Variants in ABCC3 observed in about 807,000 individuals in gnomAD.
ABCC3 encodes ATP-binding cassette sub-family C member 3.
In ABCC3, 121 loss-of-function variants were observed where a neutral mutation model predicts 165.3. The ratio of observed to expected loss-of-function variants is 0.73; its 90% confidence interval spans 0.63 to 0.85. The LOEUF is 0.85. Ranked by LOEUF, ABCC3 falls within the 40% of genes least tolerant of loss-of-function variation. The pLI is 0.00. For synonymous variants in ABCC3, 733 were observed against 810.1 expected (o/e 0.90, Z 1.62); for missense variants, 1,869 against 1,964.1 (o/e 0.95, Z 0.92).
At chr17:50,657,443 C>T (rs1016536301) in intron 4 of ABCC3, among the ~76,000 whole-genome samples, 4 of 152,228 alleles carry the variant, frequency 2.6e-5, no homozygotes, top group African/African-American at 9.6e-5. Flanking sequence ...CACCCACCCA[C>T]CAAGTGCAAT....
At chr17:50,688,606 G>A (rs1968065082) in intron 30 of ABCC3, 1 of 152,310 alleles carries the variant, frequency 6.6e-6, no homozygotes, top group Non-Finnish European at 1.5e-5. Context: ...GTCAATGAGG[G>A]CTGGGCACAG....
Position 50,646,840 on chromosome 17 carries a change from C to G in ABCC3, c.46-8992C>G, listed in dbSNP as rs141449185. ...GCCCAGAGAGGGGAGAGGTTAAGAA[C>G]CTGGGTCAAGATCACACAGCTTAAG... On this transcript the variant is annotated intron_variant, in intron 1 of 30. Coordinates refer to ENST00000285238, the MANE Select transcript of ABCC3 (RefSeq NM_003786.4). Among the ~76,000 whole-genome samples the G allele has an allele frequency of 4.3e-3, 651 of 152,260 alleles. 6 individuals carry two copies. The highest frequency in any genetic ancestry group is 0.014 in the African/African-American group (601 of 41,528).
intron 7 of ABCC3, 141 bp from the exon 8 acceptor site, chr17:50,660,782 C>T: frequency 1.7e-6 from 1 of 582,782 alleles, no homozygotes; most frequent in South Asian, 2.1e-5. Flanking sequence ...AATTCTTATG[C>T]TGTCTGTTCC....
chr17:50,669,347 G>A lies in ABCC3; in HGVS notation c.2065-5G>A, dbSNP rs1967594352. 6.2e-7 allele frequency: 1 copy of A among 1,614,088 alleles called. No homozygotes were observed. The highest frequency in any genetic ancestry group is 1.3e-5 in the African/African-American group (1 of 74,934). ...AGCCCCGAGGTAAATTTCTCCTGTG[G>A]CCAGGGCTCCGTGGCCTATGTGCCC... On this transcript the variant is annotated splice_region_variant and splice_polypyrimidine_tract_variant and intron_variant, in intron 16 of 30. Coordinates refer to ENST00000285238, the MANE Select transcript of ABCC3 (RefSeq NM_003786.4).
At chr17:50,668,601 C>T in intron 14 of ABCC3, 84 bp downstream of exon 14, 1 of 1,145,164 alleles carries the variant, frequency 8.7e-7, no homozygotes, top group Non-Finnish European at 1.3e-6. Flanking sequence ...TTGTTCTCTC[C>T]TGACCCCTTT....
Position 50,658,100 on chromosome 17 carries a change from T to C in ABCC3, c.505T>C (p.Phe169Leu). The change falls in exon 5 of 31, where the codon TTC becomes CTC. Residue 169 changes from phenylalanine (F) to leucine (L), a missense_variant. Physicochemically the swap from Phe to Leu is conservative, Grantham distance 22 (BLOSUM62 0). Coordinates refer to ENST00000285238, the MANE Select transcript of ABCC3 (RefSeq NM_003786.4). ...AKAEGEISDP[F>L]RFTTFYIHFA... ...CACCCAGGGTGAGATCTCAGACCCC[T>C]TCCGCTTCACCACCTTCTACATCCA... 6.2e-7 allele frequency: 1 copy of C among 1,614,154 alleles called. No individual in the cohort carries two copies. The highest frequency in any genetic ancestry group is 8.5e-7 in the Non-Finnish European group (1 of 1,179,990).
intron 11 of ABCC3, among the ~76,000 whole-genome samples, chr17:50,666,725 T>A (rs1967534038): frequency 6.6e-6 from 1 of 152,238 alleles, no homozygotes; most frequent in Admixed American, 6.5e-5. Flanking sequence ...ACGTAGCCCA[T>A]GGCCTGGCAC....
chr17:50,663,002 G>T (rs1184370821), intron 8 of ABCC3, among the ~76,000 whole-genome samples: 1 of 152,122 alleles, frequency 6.6e-6, no homozygotes, highest in Non-Finnish European at 1.5e-5. Context: ...GCCAGGGCTC[G>T]GGGGCAGGGG....
At chr17:50,659,466 T>C in intron 7 of ABCC3, 98 bp downstream of exon 7, 1 of 1,428,846 alleles carries the variant, frequency 7.0e-7, no homozygotes, top group Non-Finnish European at 9.4e-7. Flanking sequence ...ATTGCTGGGG[T>C]GGCAAGCAGA....
intron 1 of ABCC3, among the ~76,000 whole-genome samples, chr17:50,639,203 G>A (rs1340336464): frequency 2.0e-5 from 3 of 152,160 alleles, no homozygotes; most frequent in East Asian, 1.9e-4. Flanking sequence ...CAGAGCTCCC[G>A]GGGCTCCTTT....
In ABCC3 at chr17:50,691,455, TGA is replaced by T. The variant is rs1340481645; in HGVS notation, c.*257_*258del. The T allele has an allele frequency of 4.7e-5, 19 of 408,354 alleles. No homozygotes were observed. The highest frequency in any genetic ancestry group is 3.6e-4 in the African/African-American group (18 of 50,034). The allele number at this position is 408,354 out of a possible 1,614,324, so 25.3% of individuals were successfully genotyped here. On this transcript the variant is annotated 3_prime_UTR_variant, in exon 31 of 31. Transcript: ENST00000285238. ...AGTCCCCGGTCTCCCGATTCCCAAC[TGA>T]GTGTTATTTGCACACTGCACTGTTT...
intron 1 of ABCC3, among the ~76,000 whole-genome samples, chr17:50,650,456 A>G (rs1967093897): frequency 6.6e-6 from 1 of 152,156 alleles, no homozygotes; most frequent in Admixed American, 6.5e-5. Flanking sequence ...CCTAATCTTA[A>G]CCAGCTTGAT....
rs531980730 is a variant in ABCC3, at chr17:50,638,623, G to T, written c.45+3642G>T. ...CTGGCTCTCTCCCTGCTCTACATAC[G>T]GAATTTGCCTAGAAGCAGCTCTTGG... On this transcript the variant is annotated intron_variant, in intron 1 of 30. Coordinates refer to ENST00000285238, the MANE Select transcript of ABCC3 (RefSeq NM_003786.4). Among the ~76,000 whole-genome samples, 47 of 152,288 alleles carry T rather than the reference G, an allele frequency of 3.1e-4. 2 individuals carry two copies. The East Asian group carries it at 3.7e-3, about 12-fold the overall frequency.
chr17:50,676,788 T>A (rs1460271386), intron 23 of ABCC3, among the ~76,000 whole-genome samples, 200 bp downstream of exon 23: 1 of 152,226 alleles, frequency 6.6e-6, no homozygotes, highest in East Asian at 1.9e-4. Context: ...TAAAATAGAA[T>A]GACTCATAGA....
chr17:50,634,943 GC>G lies in ABCC3; in HGVS notation c.10del (p.Leu4CysfsTer119). 2 of 1,258,448 alleles carry G rather than the reference GC, an allele frequency of 1.6e-6. No individual in the cohort carries two copies. The highest frequency in any genetic ancestry group is 1.0e-6 in the Non-Finnish European group (1 of 999,776). The allele number at this position is 1,258,448 out of a possible 1,614,324, so 78.0% of individuals were successfully genotyped here. A position where few individuals can be genotyped will look rare whatever the true frequency, so the allele number is the denominator to read the frequency against. On this transcript the variant is annotated frameshift_variant, in exon 1 of 31. Transcript: ENST00000285238. LOFTEE classifies it high-confidence loss of function. ...GCAGCCGCGCCTCGGCCCCATGGAC[GC>G]CCTGTGCGGTTCCGGGGAGCTCGGC... MD[A>X]LCGSGELGSK...
intron 19 of ABCC3, 26 bp from the exon 20 acceptor site, chr17:50,675,336 A>G (rs536214209): frequency 1.8e-5 from 28 of 1,567,076 alleles, no homozygotes; most frequent in South Asian, 8.1e-5. Context: ...GCTGAACCCT[A>G]TCTCCTTCCT....
intron 17 of ABCC3, among the ~76,000 whole-genome samples, chr17:50,670,240 A>T (rs922506194): frequency 1.3e-5 from 2 of 151,610 alleles, no homozygotes; most frequent in Non-Finnish European, 2.9e-5. Flanking sequence ...GCACCACCAC[A>T]CTTGGCTAAT....
intron 10 of ABCC3, 74 bp from the exon 11 acceptor site, chr17:50,665,075 CTGTT>C: frequency 1.6e-6 from 2 of 1,271,142 alleles, no homozygotes; most frequent in Admixed American, 1.7e-5. Context: ...TAACAGGCCT[CTGTT>C]TGCCTGTTGG....
At chr17:50,664,457 C>A (rs986772578) in intron 10 of ABCC3, 2 of 275,398 alleles carry the variant, frequency 7.3e-6, no homozygotes, top group Non-Finnish European at 1.4e-5. Context: ...GTAATCCCAG[C>A]ATTTTGGGAG....
Sources: allele counts gnomAD v4.1 joint callset (sites outside exome capture counted in the v4.1 genomes callset), GRCh38; gene constraint gnomAD v4.1.1; transcripts MANE v1.5; gene names NCBI Gene and HGNC (gene_info 2026-07-23, HGNC 2026-07-21).